The following RBMS3 variants were observed in gnomAD, a reference collection of about 807,000 sequenced individuals.
RBMS3 encodes RNA-binding motif, single-stranded-interacting protein 3.
Under a neutral mutation model 66.8 loss-of-function variants are expected in RBMS3, and 27 were observed. That is an observed-to-expected ratio of 0.40 (90% CI 0.30 to 0.56). The LOEUF is 0.56. Among genes scored for constraint, RBMS3 ranks in the 20% least tolerant of loss-of-function variants. The pLI is 0.40. For synonymous variants in RBMS3, 188 were observed against 183.0 expected (o/e 1.03, Z -0.22); for missense variants, 513 against 549.5 (o/e 0.93, Z 0.66).
chr3:29,791,434 T>C (rs2057009471), intron 6 of RBMS3, among the ~76,000 whole-genome samples: 1 of 152,310 alleles, frequency 6.6e-6, no homozygotes, highest in African/African-American at 2.4e-5. Context: ...CAACAAATGA[T>C]AAAAAGAACA....
intron 4 of RBMS3, among the ~76,000 whole-genome samples, chr3:29,638,047 GT>G (rs2049538781): frequency 6.6e-6 from 1 of 151,836 alleles, no homozygotes; most frequent in African/African-American, 2.4e-5. Context: ...AAACAGCTAT[GT>G]TTATTTCAAT....
At chr3:29,744,100 T>C (rs1222794466) in intron 5 of RBMS3, among the ~76,000 whole-genome samples, 2 of 152,038 alleles carry the variant, frequency 1.3e-5, no homozygotes, top group African/African-American at 4.8e-5. Flanking sequence ...GCTTTAAAGT[T>C]GTCTGTGATT....
intron 6 of RBMS3, among the ~76,000 whole-genome samples, chr3:29,828,977 ACTTTCTTTCTTTCTTT>A (rs368382303): frequency 0.025 from 2,465 of 98,574 alleles, 53 homozygotes; most frequent in Admixed American, 0.076. Context: ...TTAGCGAGTG[ACTTTCTTTCTTTCTTT>A]CTTTCTTTCT....
Position 29,920,752 on chromosome 3 carries a change from G to T in RBMS3, c.940-15334G>T, listed in dbSNP as rs545687511. On this transcript the variant is annotated intron_variant, in intron 10 of 14. Coordinates refer to ENST00000383767, the MANE Select transcript of RBMS3 (RefSeq NM_001003793.3). ...GCACTTTGGAAGGTGGAGGCAGGCAGATCTCGAGGTCAGGAGATCGAGACC... is the reference window on the plus strand; with the variant it reads ...GCACTTTGGAAGGTGGAGGCAGGCATATCTCGAGGTCAGGAGATCGAGACC... 1.5e-3 allele frequency among the ~76,000 whole-genome samples: 223 copies of T among 150,730 alleles called. 3 individuals carry two copies. The highest frequency in any genetic ancestry group is 4.9e-3 in the African/African-American group (200 of 40,982).
At chr3:29,491,875 C>T (rs2043558924) in intron 3 of RBMS3, among the ~76,000 whole-genome samples, 2 of 152,072 alleles carry the variant, frequency 1.3e-5, no homozygotes, top group Admixed American at 1.3e-4. Flanking sequence ...TGCCTGTAGT[C>T]CCAGCTACTT....
chr3:29,717,219 G>A (rs948811211), intron 4 of RBMS3, among the ~76,000 whole-genome samples: 2 of 152,000 alleles, frequency 1.3e-5, no homozygotes, highest in Non-Finnish European at 2.9e-5. Flanking sequence ...GCAACGCACA[G>A]TGCTCAATAC....
intron 1 of RBMS3, among the ~76,000 whole-genome samples, chr3:29,376,975 G>A (rs577309974): frequency 4.6e-5 from 7 of 152,006 alleles, no homozygotes; most frequent in Non-Finnish European, 1.0e-4. Flanking sequence ...TGTAATCCCA[G>A]CTACTCAGGA....
At chr3:29,659,422 T>C (rs2050449337) in intron 4 of RBMS3, among the ~76,000 whole-genome samples, 1 of 152,160 alleles carries the variant, frequency 6.6e-6, no homozygotes, top group Admixed American at 6.5e-5. Context: ...ACAGCCATTC[T>C]ATTTTCTGTC....
At chr3:29,912,330 T>G (rs887719972) in intron 10 of RBMS3, among the ~76,000 whole-genome samples, 2 of 152,096 alleles carry the variant, frequency 1.3e-5, no homozygotes, top group Admixed American at 6.6e-5. Context: ...ACAAGGATAC[T>G]GACAAAGGTT....
chr3:29,541,817 C>T (rs1045275189), intron 3 of RBMS3, among the ~76,000 whole-genome samples: 2 of 152,094 alleles, frequency 1.3e-5, no homozygotes, highest in Non-Finnish European at 2.9e-5. Context: ...CCCACCTCAC[C>T]TGCTCTATTC....
intron 3 of RBMS3, among the ~76,000 whole-genome samples, chr3:29,494,311 T>C (rs1370571247): frequency 2.0e-5 from 3 of 152,250 alleles, no homozygotes; most frequent in Non-Finnish European, 4.4e-5. Context: ...TAGTCAGGCC[T>C]AGGTAAGCTT....
intron 10 of RBMS3, among the ~76,000 whole-genome samples, chr3:29,909,644 A>T (rs191846106): frequency 5.7e-4 from 87 of 152,214 alleles, no homozygotes; most frequent in Non-Finnish European, 6.8e-4. Flanking sequence ...GGAAGCTGCC[A>T]AGTGCTAGGC....
At chr3:29,728,879 A>G (rs1027280896) in intron 4 of RBMS3, among the ~76,000 whole-genome samples, 3 of 152,106 alleles carry the variant, frequency 2.0e-5, no homozygotes, top group South Asian at 4.1e-4. Context: ...TTTTCTGTAC[A>G]ATTGACATTG....
intron 6 of RBMS3, among the ~76,000 whole-genome samples, chr3:29,826,842 A>G (rs1391533886): frequency 6.6e-6 from 1 of 152,102 alleles, no homozygotes; most frequent in African/African-American, 2.4e-5. Context: ...TTTCTCTACT[A>G]TACAATAGAA....
intron 1 of RBMS3, among the ~76,000 whole-genome samples, chr3:29,334,083 G>GA (rs36076357): frequency 0.12 from 18,110 of 152,090 alleles, 1,706 homozygotes; most frequent in East Asian, 0.33. Flanking sequence ...ATGTGAGAGT[G>GA]AAAATTTAAA....
At chr3:29,471,184 AC>A (rs2042713678) in intron 2 of RBMS3, among the ~76,000 whole-genome samples, 1 of 152,208 alleles carries the variant, frequency 6.6e-6, no homozygotes, top group Non-Finnish European at 1.5e-5. Flanking sequence ...AGGAGTTATA[AC>A]TAATTTACAT....
chr3:29,586,457 A>T (rs577868553), intron 3 of RBMS3, among the ~76,000 whole-genome samples: 23 of 152,284 alleles, frequency 1.5e-4, no homozygotes, highest in Admixed American at 3.9e-4. Context: ...TAAAAGAAAC[A>T]TGAATATTTA....
At chr3:29,431,296 C>CTTTTTTTT (rs1375213536) in intron 1 of RBMS3, among the ~76,000 whole-genome samples, 1 of 94,768 alleles carries the variant, frequency 1.1e-5, no homozygotes, top group African/African-American at 5.2e-5. Context: ...TTTCTTTTTC[C>CTTTTTTTT]TTTTCTTTTT....
rs145429354 is a variant in RBMS3 at position 29,912,700 on chromosome 3, C to A, written c.939+12945C>A. 6.3e-3 allele frequency among the ~76,000 whole-genome samples: 959 copies of A among 152,106 alleles called. 15 individuals carry two copies. Among genetic ancestry groups the A allele is most frequent in the African/African-American group, 0.022 (929 of 41,512 alleles). ...CAATTTTCTGAAGAAATGTATAGGG[C>A]AACTACATTAATATTCTTCAGGTAT... On this transcript the variant is annotated intron_variant, in intron 10 of 14. Coordinates refer to ENST00000383767, the MANE Select transcript of RBMS3 (RefSeq NM_001003793.3).
Sources: gnomAD v4.1 joint callset for allele counts (sites outside exome capture counted in the v4.1 genomes callset) on GRCh38, gnomAD v4.1.1 for gene constraint, MANE v1.5 for transcripts, NCBI Gene and HGNC (gene_info 2026-07-23, HGNC 2026-07-21) for gene names.